RBFOX1: variants seen among roughly 807,000 people sequenced by gnomAD.
The protein encoded by RBFOX1 is RNA binding protein fox-1 homolog 1.
RBFOX1 carries 8 observed loss-of-function variants against 57.7 expected under a neutral mutation model. The ratio of observed to expected loss-of-function variants is 0.14; its 90% CI spans 0.08 to 0.25. RBFOX1 has a LOEUF of 0.25. RBFOX1 is among the 10% of genes least tolerant of loss of function. The pLI, the probability that RBFOX1 is intolerant of heterozygous loss-of-function variation, is 1.00. For missense variants in RBFOX1, 611 were observed against 548.5 expected (o/e 1.11, Z -1.14); for synonymous variants, 326 against 222.4 (o/e 1.47, Z -4.15).
At chr16:7,025,811 C>T (rs1412809785) in intron 3 of RBFOX1, among the ~76,000 whole-genome samples, 10 of 152,122 alleles carry the variant, frequency 6.6e-5, no homozygotes, top group African/African-American at 2.4e-4. Flanking sequence ...GGGATTCAAA[C>T]TGGAGCAGCC....
chr16:6,074,169 T>C (rs1293230417), intron 1 of RBFOX1, among the ~76,000 whole-genome samples: 3 of 152,082 alleles, frequency 2.0e-5, no homozygotes, highest in African/African-American at 4.8e-5. Flanking sequence ...ATCATGGTCT[T>C]GACCTTCTGA....
intron 4 of RBFOX1, among the ~76,000 whole-genome samples, chr16:7,127,621 T>TC (rs1462654048): frequency 2.0e-5 from 3 of 151,854 alleles, no homozygotes; most frequent in Non-Finnish European, 4.4e-5. Context: ...AGAGTGAGAG[T>TC]CGGGAGTAAG....
intron 1 of RBFOX1, among the ~76,000 whole-genome samples, chr16:6,219,053 A>G (rs1054862886): frequency 1.3e-5 from 2 of 152,224 alleles, no homozygotes; most frequent in Non-Finnish European, 2.9e-5. Context: ...GTACATATTT[A>G]TCTTGAGATA....
intron 10 of RBFOX1, among the ~76,000 whole-genome samples, chr16:7,626,270 T>C (rs902863811): frequency 1.2e-4 from 19 of 152,318 alleles, no homozygotes; most frequent in South Asian, 8.3e-4. Context: ...ACATCCCTTC[T>C]AGGCTTGTGC....
At chr16:6,727,165 A>T (rs546856680) in intron 3 of RBFOX1, among the ~76,000 whole-genome samples, 2 of 151,760 alleles carry the variant, frequency 1.3e-5, no homozygotes, top group African/African-American at 4.8e-5. Context: ...AAAAGTCGCA[A>T]TTCCATAGAA....
chr16:7,566,431 A>AT (rs373597203), intron 5 of RBFOX1, among the ~76,000 whole-genome samples: 80 of 152,198 alleles, frequency 5.3e-4, no homozygotes, highest in African/African-American at 1.8e-3. Flanking sequence ...TTTCCAGAGC[A>AT]TTTTCACCTT....
At chr16:6,833,393 C>A (rs2092852005) in intron 3 of RBFOX1, among the ~76,000 whole-genome samples, 1 of 152,094 alleles carries the variant, frequency 6.6e-6, no homozygotes, top group African/African-American at 2.4e-5. Context: ...TCTCAAACTC[C>A]TGACCTCAGG....
chr16:6,272,467 T>G (rs1308059686), intron 1 of RBFOX1, among the ~76,000 whole-genome samples: 1 of 152,164 alleles, frequency 6.6e-6, no homozygotes, highest in Non-Finnish European at 1.5e-5. Flanking sequence ...GAGACATCAT[T>G]TTCATGGATT....
intron 3 of RBFOX1, among the ~76,000 whole-genome samples, chr16:6,890,756 C>G (rs995543039): frequency 6.6e-6 from 1 of 152,148 alleles, no homozygotes; most frequent in Non-Finnish European, 1.5e-5. Flanking sequence ...TCACTGTCAC[C>G]TTCTGATTTA....
intron 3 of RBFOX1, among the ~76,000 whole-genome samples, chr16:6,880,424 G>T (rs926885403): frequency 2.0e-5 from 3 of 152,158 alleles, no homozygotes; most frequent in Admixed American, 2.0e-4. Context: ...TGTGACCCAG[G>T]TGCAGCCAAT....
chr16:5,365,080 G>C (rs571869924), intron 1 of RBFOX1, among the ~76,000 whole-genome samples: 1 of 152,226 alleles, frequency 6.6e-6, no homozygotes, highest in Admixed American at 6.5e-5. Flanking sequence ...AAGAGATGAA[G>C]GGTCTTTTAA....
Position 6,297,926 on chromosome 16 carries a change from C to T in RBFOX1, c.-126-19069C>T, listed in dbSNP as rs74005082. On this transcript the variant is annotated intron_variant, in intron 1 of 15. Coordinates refer to ENST00000550418, the MANE Select transcript of RBFOX1 (RefSeq NM_018723.4). ...CTATCCAGATGAGAGCCACCTCCAC[C>T]GCTCAATAAAACACCTGCATTCACT... Among the ~76,000 whole-genome samples, 1,140 of 152,264 alleles carry T rather than the reference C, an allele frequency of 7.5e-3. 20 individuals are homozygous for T. The highest frequency in any genetic ancestry group is 0.026 in the African/African-American group (1,100 of 41,548).
intron 2 of RBFOX1, among the ~76,000 whole-genome samples, chr16:6,462,409 A>T (rs1243942801): frequency 6.6e-6 from 1 of 152,220 alleles, no homozygotes; most frequent in African/African-American, 2.4e-5. Flanking sequence ...TTGTCCACAC[A>T]TGCCAATTAT....
intron 1 of RBFOX1, among the ~76,000 whole-genome samples, chr16:6,074,610 T>C (rs2095874272): frequency 6.6e-6 from 1 of 152,122 alleles, no homozygotes; most frequent in South Asian, 2.1e-4. Context: ...GGGAGAAAGA[T>C]TGGGCTCAAT....
rs558414958 is a variant in RBFOX1 at position 7,553,144 on chromosome 16, T to G, written c.271-26633T>G. Among the ~76,000 whole-genome samples the G allele has an allele frequency of 2.6e-5, 4 of 152,266 alleles. No homozygotes were observed. The East Asian group carries it at 7.7e-4, about 29-fold the overall frequency. On this transcript the variant is annotated intron_variant, in intron 5 of 15. Coordinates refer to ENST00000550418, the MANE Select transcript of RBFOX1 (RefSeq NM_018723.4). ...TTTCCAGTTTCCACATTTTAAAATT[T>G]TATTTCTTTCTCTTTTTAGAGACAG... is the stretch of plus-strand genomic sequence containing the variant.
At chr16:5,456,597 C>G (rs1329403278) in intron 1 of RBFOX1, among the ~76,000 whole-genome samples, 2 of 152,200 alleles carry the variant, frequency 1.3e-5, no homozygotes, top group Non-Finnish European at 2.9e-5. Context: ...GTTCCTTTTT[C>G]TCACCTGCCA....
At chr16:6,917,262 C>G (rs1377947753) in intron 3 of RBFOX1, among the ~76,000 whole-genome samples, 2 of 152,144 alleles carry the variant, frequency 1.3e-5, no homozygotes, top group Non-Finnish European at 2.9e-5. Context: ...AGAGTCTGTC[C>G]CAGCTACTGT....
intron 4 of RBFOX1, among the ~76,000 whole-genome samples, chr16:7,113,710 T>C (rs149929131): frequency 2.0e-5 from 3 of 152,212 alleles, no homozygotes; most frequent in South Asian, 4.1e-4. Context: ...AGATCTATTT[T>C]GTTCTTTGCA....
chr16:7,219,877 T>C (rs924340560), intron 4 of RBFOX1, among the ~76,000 whole-genome samples: 1 of 152,210 alleles, frequency 6.6e-6, no homozygotes, highest in Non-Finnish European at 1.5e-5. Flanking sequence ...TAAAGAAGTT[T>C]TCTAACCAAA....
Sources: gnomAD v4.1 joint callset for allele counts (sites outside exome capture counted in the v4.1 genomes callset) on GRCh38, gnomAD v4.1.1 for gene constraint, MANE v1.5 for transcripts, NCBI Gene and HGNC (gene_info 2026-07-23, HGNC 2026-07-21) for gene names.